The following RAB1A variants were observed in gnomAD, a reference collection of about 807,000 sequenced individuals.
The protein encoded by RAB1A is ras-related protein Rab-1A.
In RAB1A, 2 loss-of-function variants were observed where a neutral mutation model predicts 26.0. The observed-to-expected ratio is 0.08, with a 90% CI of 0.03 to 0.24. The LOEUF (loss-of-function observed/expected upper bound fraction) is 0.24, where lower values mean the gene tolerates loss of function less well. RAB1A is among the 10% of genes least tolerant of loss of function. The probability of loss-of-function intolerance (pLI) is 1.00; values close to 1 mark genes in which losing one functional copy is unlikely to be tolerated. For missense variants in RAB1A, 100 were observed against 247.0 expected (o/e 0.40, Z 3.99); for synonymous variants, 84 against 84.9 (o/e 0.99, Z 0.06).
chr2:65,103,375 C>G (rs923669424), intron 2 of RAB1A, among the ~76,000 whole-genome samples: 11 of 149,606 alleles, frequency 7.4e-5, no homozygotes, highest in African/African-American at 2.7e-4. Context: ...ACTCATGGAT[C>G]AACATTTTTC....
chr2:65,112,531 A>G (rs1669723000), intron 1 of RAB1A, among the ~76,000 whole-genome samples: 1 of 152,242 alleles, frequency 6.6e-6, no homozygotes, highest in East Asian at 1.9e-4. Context: ...GGTTTGTAAA[A>G]TAAAGCTGCT....
At chr2:65,098,379 A>C (rs1669338343) in intron 2 of RAB1A, among the ~76,000 whole-genome samples, 1 of 152,164 alleles carries the variant, frequency 6.6e-6, no homozygotes, top group Admixed American at 6.5e-5. Context: ...CATACATCAT[A>C]TAGAAAAATA....
At chr2:65,121,283 G>C (rs1418653028) in intron 1 of RAB1A, among the ~76,000 whole-genome samples, 1 of 146,132 alleles carries the variant, frequency 6.8e-6, no homozygotes, top group African/African-American at 2.5e-5. Context: ...CACCGAGTAA[G>C]TGCTAAATAG....
chr2:65,106,556 T>C (rs912490720), intron 1 of RAB1A, among the ~76,000 whole-genome samples: 1 of 150,742 alleles, frequency 6.6e-6, no homozygotes, highest in African/African-American at 2.4e-5. Context: ...TTATACTTAT[T>C]GTTATACTTA....
At chr2:65,127,301 C>T (rs1434039278) in intron 1 of RAB1A, among the ~76,000 whole-genome samples, 1 of 152,096 alleles carries the variant, frequency 6.6e-6, no homozygotes, top group Non-Finnish European at 1.5e-5. Flanking sequence ...CTGATAAATC[C>T]CTTTCAGGTC....
At chr2:65,124,949 T>TAG (rs1206604247) in intron 1 of RAB1A, among the ~76,000 whole-genome samples, 1 of 152,080 alleles carries the variant, frequency 6.6e-6, no homozygotes, top group Non-Finnish European at 1.5e-5. Context: ...TCTTTAAACT[T>TAG]TTCTGAGTTT....
chr2:65,129,777 T>A (rs925455201), intron 1 of RAB1A, 116 bp downstream of exon 1: 1 of 1,487,734 alleles, frequency 6.7e-7, no homozygotes, highest in African/African-American at 1.4e-5. Flanking sequence ...TCCTGACCCA[T>A]CACCCTCGCC....
In RAB1A at chr2:65,106,918, A is replaced by G. The variant is rs75515555; in HGVS notation, c.24-2112T>C. 5.6e-3 allele frequency among the ~76,000 whole-genome samples: 855 copies of G among 151,854 alleles called. 10 individuals are homozygous for G. The highest frequency in any genetic ancestry group is 0.019 in the African/African-American group (803 of 41,426). ...AGAGTCTTGCTCTGTTGCTCAAGCT[A>G]ATTTTTGTACTTTTAGTAGAGACGG... On this transcript the variant is annotated intron_variant, in intron 1 of 5. Coordinates refer to ENST00000409784, the MANE Select transcript of RAB1A (RefSeq NM_004161.5).
chr2:65,102,511 T>C (rs1254436417), intron 2 of RAB1A, among the ~76,000 whole-genome samples: 1 of 152,116 alleles, frequency 6.6e-6, no homozygotes, highest in Non-Finnish European at 1.5e-5. Context: ...TAAATTTTAT[T>C]TCAGCCAACA....
At chr2:65,091,346 C>T (rs1319056623) in intron 3 of RAB1A, among the ~76,000 whole-genome samples, 2 of 152,180 alleles carry the variant, frequency 1.3e-5, no homozygotes, top group African/African-American at 4.8e-5. Context: ...ATACTTTTCA[C>T]ATTCCCTACC....
rs541345933 is a variant in RAB1A at position 65,115,373 on chromosome 2, TA to T, written c.24-10568del. Among the ~76,000 whole-genome samples, 12 of 152,294 alleles carry T rather than the reference TA, an allele frequency of 7.9e-5. No individual in the cohort carries two copies. The East Asian group carries it at 2.1e-3, about 27-fold the overall frequency. The stretch of plus-strand genomic sequence containing the variant: ...TAATAACCTTTAGGGGGTGAAACAA[TA>T]AAAACTTCAGCTGCAATGATCATGA... On this transcript the variant is annotated intron_variant, in intron 1 of 5. Coordinates refer to ENST00000409784, the MANE Select transcript of RAB1A (RefSeq NM_004161.5).
chr2:65,101,232 T>A (rs569191966), intron 2 of RAB1A, among the ~76,000 whole-genome samples: 23 of 152,256 alleles, frequency 1.5e-4, no homozygotes, highest in African/African-American at 5.5e-4. Flanking sequence ...TTACTATTCG[T>A]CTGCCCAAAA....
chr2:65,109,659 G>A (rs1392804526), intron 1 of RAB1A, among the ~76,000 whole-genome samples: 12 of 150,270 alleles, frequency 8.0e-5, no homozygotes, highest in Admixed American at 4.6e-4. Context: ...GCAGTGAGGA[G>A]AGACTGCGCC....
In RAB1A at chr2:65,088,256, A is replaced by G. The variant is rs1669083276; in HGVS notation, c.*237T>C. 4.6e-6 allele frequency: 2 copies of G among 435,434 alleles called. No homozygotes were observed. Among genetic ancestry groups the G allele is most frequent in the South Asian group, 1.0e-4 (2 of 19,326 alleles). The allele number at this position is 435,434 out of a possible 1,614,324, so 27.0% of individuals were successfully genotyped here. A position where few individuals can be genotyped will look rare whatever the true frequency, so the allele number is the denominator to read the frequency against. On this transcript the variant is annotated 3_prime_UTR_variant, in exon 6 of 6. Coordinates refer to ENST00000409784, the MANE Select transcript of RAB1A (RefSeq NM_004161.5). ...CAGGAAAGCAACAAGGATTACACAC[A>G]TTATTTTATAAACCAGCACACAAAG...
Position 65,088,416 on chromosome 2 carries a change from C to A in RAB1A, c.*77G>T. 8.0e-7 allele frequency: 1 copy of A among 1,245,444 alleles called. No homozygotes were observed. Among genetic ancestry groups the A allele is most frequent in the Non-Finnish European group, 1.1e-6 (1 of 901,764 alleles). 77.1% of individuals were successfully genotyped at this position (1,245,444 alleles called of 1,614,324 possible). A position where few individuals can be genotyped will look rare whatever the true frequency, so the allele number is the denominator to read the frequency against. ...TGTTGTAGTGCAGCTACATACAGTA[C>A]AATTCAGGCAATTTTGTTTTTTCAC... On this transcript the variant is annotated 3_prime_UTR_variant, in exon 6 of 6. Coordinates refer to ENST00000409784, the MANE Select transcript of RAB1A (RefSeq NM_004161.5).
chr2:65,100,941 T>C (rs1237546017), intron 2 of RAB1A, among the ~76,000 whole-genome samples: 1 of 151,714 alleles, frequency 6.6e-6, no homozygotes, highest in African/African-American at 2.4e-5. Context: ...AGCTCAGGAG[T>C]TGGAGACCAG....
chr2:65,117,611 G>A (rs1669855000), intron 1 of RAB1A, among the ~76,000 whole-genome samples: 1 of 152,064 alleles, frequency 6.6e-6, no homozygotes, highest in Non-Finnish European at 1.5e-5. Context: ...CTGTCACCTA[G>A]GCTAGAGTGC....
At chr2:65,125,827 C>G (rs544762862) in intron 1 of RAB1A, among the ~76,000 whole-genome samples, 1 of 142,382 alleles carries the variant, frequency 7.0e-6, no homozygotes, top group South Asian at 2.2e-4. Flanking sequence ...CCCTTTCTAT[C>G]TACTTTTTTA....
intron 4 of RAB1A, among the ~76,000 whole-genome samples, chr2:65,090,420 G>A (rs1033668992): frequency 6.6e-6 from 1 of 152,044 alleles, no homozygotes; most frequent in African/African-American, 2.4e-5. Flanking sequence ...ATGGCCCCTG[G>A]ATCACATGCT....
Sources: gnomAD v4.1 joint callset for allele counts (sites outside exome capture counted in the v4.1 genomes callset) on GRCh38, gnomAD v4.1.1 for gene constraint, MANE v1.5 for transcripts, NCBI Gene and HGNC (gene_info 2026-07-23, HGNC 2026-07-21) for gene names.